SDK2: variants seen among roughly 807,000 people sequenced by gnomAD.
SDK2 encodes protein sidekick-2.
In SDK2, 105 loss-of-function variants were observed where a neutral mutation model predicts 253.9. That is an observed-to-expected ratio of 0.41 (90% CI 0.35 to 0.49). The LOEUF is 0.49. Ranked by LOEUF, SDK2 falls within the 20% of genes least tolerant of loss-of-function variation. The probability of loss-of-function intolerance (pLI) is 0.06; values close to 1 mark genes in which losing one functional copy is unlikely to be tolerated. For synonymous variants in SDK2, 1,249 were observed against 1,234.9 expected (o/e 1.01, Z -0.24); for missense variants, 2,608 against 3,003.0 (o/e 0.87, Z 3.07).
rs927734597 is a variant in SDK2, at chr17:73,541,233, G to A, written c.65-33636C>T. Among the ~76,000 whole-genome samples the A allele has an allele frequency of 5.3e-5, 8 of 152,194 alleles. No individual in the cohort carries two copies. The highest frequency in any genetic ancestry group is 1.9e-4 in the African/African-American group (8 of 41,460). Reference sequence around the variant, plus strand: ...CAGCAGTGAAGGGAGGTGCCCGGGGGGCTGCAGGGGATGGGCTGCAGTGTG... The same window carrying A: ...CAGCAGTGAAGGGAGGTGCCCGGGGAGCTGCAGGGGATGGGCTGCAGTGTG... On this transcript the variant is annotated intron_variant, in intron 1 of 44. Coordinates refer to ENST00000392650, the MANE Select transcript of SDK2 (RefSeq NM_001144952.2). The surrounding 1 kb of genome is among the most constrained non-coding windows in gnomAD (Gnocchi z 4.3).
At chr17:73,614,574 G>C (rs1474130160) in intron 1 of SDK2, among the ~76,000 whole-genome samples, 2 of 112,508 alleles carry the variant, frequency 1.8e-5, no homozygotes, top group African/African-American at 4.0e-5. Context: ...ATTGAAAAGG[G>C]GGAGGGAGGG....
chr17:73,552,826 G>C (rs1049727985), intron 1 of SDK2, among the ~76,000 whole-genome samples: 1 of 152,182 alleles, frequency 6.6e-6, no homozygotes, highest in African/African-American at 2.4e-5. Context: ...TCTCGCTCTG[G>C]CTTCGTTTAC....
At chr17:73,444,273 T>G (rs1178129374) in intron 5 of SDK2, among the ~76,000 whole-genome samples, 1 of 152,078 alleles carries the variant, frequency 6.6e-6, no homozygotes, top group African/African-American at 2.4e-5. Flanking sequence ...ATGGCGTGGC[T>G]CCCTGGGAGA....
At chr17:73,428,260 T>C (rs1324560377) in intron 12 of SDK2, among the ~76,000 whole-genome samples, 1 of 152,192 alleles carries the variant, frequency 6.6e-6, no homozygotes, top group African/African-American at 2.4e-5. Context: ...GAGACGGGGT[T>C]TCACCATGTT....
intron 1 of SDK2, chr17:73,517,473 T>C (rs2064038359): frequency 6.6e-6 from 1 of 152,138 alleles, no homozygotes; most frequent in Non-Finnish European, 1.5e-5. Flanking sequence ...AGGCAGGGAC[T>C]GAAGCGACGC....
intron 40 of SDK2, among the ~76,000 whole-genome samples, chr17:73,355,174 A>ATATATATATATATTTTTTTTTT: frequency 1.7e-3 from 81 of 47,186 alleles, no homozygotes; most frequent in South Asian, 5.4e-3. Flanking sequence ...ATATATATAT[A>ATATATATATATATTTTTTTTTT]TTTTTTTTTT....
chr17:73,373,031 C>T (rs566365463), intron 36 of SDK2, among the ~76,000 whole-genome samples: 2 of 152,356 alleles, frequency 1.3e-5, no homozygotes, highest in South Asian at 4.1e-4. Flanking sequence ...CTATTTCCCT[C>T]ACTCCCTCAG....
chr17:73,623,481 G>A (rs921939482), intron 1 of SDK2, among the ~76,000 whole-genome samples: 3 of 152,168 alleles, frequency 2.0e-5, no homozygotes, highest in Non-Finnish European at 4.4e-5. Flanking sequence ...GGAGTGAGGG[G>A]GAGGAGGCCT....
Position 73,379,825 on chromosome 17 carries a change from T to C in SDK2, c.4763-276A>G, listed in dbSNP as rs61598695. Among the ~76,000 whole-genome samples, 27,874 of 151,724 alleles carry C rather than the reference T, an allele frequency of 0.18. 5,211 individuals carry two copies. The highest frequency in any genetic ancestry group is 0.48 in the African/African-American group (19,866 of 41,296). On this transcript the variant is annotated intron_variant, in intron 34 of 44. Transcript: ENST00000392650. This position sits in a 1 kb window ranked among gnomAD's most constrained non-coding sequence, Gnocchi z 4.5. ...GACACTTTTGAGACTGAAACCACTA[T>C]GAATATTTACACCGGGACAACCAGT...
chr17:73,416,062 C>T, intron 16 of SDK2, 70 bp from the exon 17 acceptor site: 1 of 1,416,992 alleles, frequency 7.1e-7, no homozygotes, highest in Non-Finnish European at 9.6e-7. Context: ...GGAAATTGTC[C>T]AGAGCAGCGC....
intron 1 of SDK2, among the ~76,000 whole-genome samples, chr17:73,513,036 T>C (rs1163563015): frequency 6.6e-6 from 1 of 151,956 alleles, no homozygotes; most frequent in Non-Finnish European, 1.5e-5. Context: ...AAAAATATAC[T>C]GTCTTGGCAA....
At chr17:73,565,750 G>A (rs1236176485) in intron 1 of SDK2, among the ~76,000 whole-genome samples, 1 of 152,206 alleles carries the variant, frequency 6.6e-6, no homozygotes, top group Non-Finnish European at 1.5e-5. Flanking sequence ...CCCCATGAAC[G>A]GCTTGGTGCC....
chr17:73,578,309 C>A (rs2045485488), intron 1 of SDK2, among the ~76,000 whole-genome samples: 1 of 152,188 alleles, frequency 6.6e-6, no homozygotes, highest in African/African-American at 2.4e-5. Context: ...AGGCAATCTG[C>A]CCGCCTCGGC....
At chr17:73,478,870 G>A (rs1337294414) in intron 2 of SDK2, among the ~76,000 whole-genome samples, 2 of 152,254 alleles carry the variant, frequency 1.3e-5, no homozygotes, top group Non-Finnish European at 2.9e-5. Context: ...TCAGACGCCT[G>A]GAGATGCACG....
At chr17:73,589,882 C>A (rs2045658561) in intron 1 of SDK2, among the ~76,000 whole-genome samples, 1 of 152,220 alleles carries the variant, frequency 6.6e-6, no homozygotes, top group South Asian at 2.1e-4. Flanking sequence ...TTTGTCCTTG[C>A]TGTAATCAGG....
intron 39 of SDK2, among the ~76,000 whole-genome samples, chr17:73,360,349 G>A (rs543932779): frequency 6.6e-6 from 1 of 152,344 alleles, no homozygotes; most frequent in South Asian, 2.1e-4. Flanking sequence ...GCCAGACTAA[G>A]CCATTAGGGG....
chr17:73,542,333 G>A (rs2044881982), intron 1 of SDK2, among the ~76,000 whole-genome samples: 1 of 152,238 alleles, frequency 6.6e-6, no homozygotes, highest in African/African-American at 2.4e-5. Context: ...CTCCTGTGAT[G>A]GAGGGGGTGC....
rs2044748007 is a variant in SDK2 at position 73,534,904 on chromosome 17, C to T, written c.65-27307G>A. On this transcript the variant is annotated intron_variant, in intron 1 of 44. Transcript: ENST00000392650. This position sits in a 1 kb window ranked among gnomAD's most constrained non-coding sequence, Gnocchi z 4.9. ...ACTGGATACTCTGCGATCGGCCGAT[C>T]AGCCCGCTACTGGGTCTAAGGAACC... Among the ~76,000 whole-genome samples the T allele has an allele frequency of 6.6e-6, 1 of 152,146 alleles. No homozygotes were observed. Among genetic ancestry groups the T allele is most frequent in the African/African-American group, 2.4e-5 (1 of 41,434 alleles).
In SDK2 at chr17:73,571,765, C is replaced by T. The variant is rs528468679; in HGVS notation, c.65-64168G>A. Among the ~76,000 whole-genome samples, 5 of 152,274 alleles carry T rather than the reference C, an allele frequency of 3.3e-5. No homozygotes were observed. The South Asian group carries it at 6.2e-4, about 19-fold the overall frequency. ...GTGAGCCCGGCTGGGGCCCGGCCAG[C>T]GCCCTGCCCTCCCCTGCCCTCTCTG... On this transcript the variant is annotated intron_variant, in intron 1 of 44. Transcript: ENST00000392650.
Sources: gnomAD v4.1 joint callset for allele counts (sites outside exome capture counted in the v4.1 genomes callset) on GRCh38, gnomAD v4.1.1 for gene constraint, Gnocchi (gnomAD v3.1) non-coding constraint, MANE v1.5 for transcripts, NCBI Gene and HGNC (gene_info 2026-07-23, HGNC 2026-07-21) for gene names.